Variants in MRPL22 observed in about 807,000 individuals in gnomAD.
MRPL22 encodes the protein mitochondrial ribosomal protein L22, also known as large ribosomal subunit protein uL22m.
MRPL22 carries 27 observed loss-of-function variants against 32.4 expected under a neutral mutation model. The observed-to-expected ratio is 0.83, with a 90% confidence interval of 0.61 to 1.15. The LOEUF (loss-of-function observed/expected upper bound fraction) is 1.15, where lower values mean the gene tolerates loss of function less well. Ranked by LOEUF, MRPL22 falls within the 50% of genes most tolerant of loss-of-function variation. MRPL22 has a pLI of 0.00. For synonymous variants in MRPL22, 86 were observed against 87.3 expected, an observed-to-expected ratio of 0.99 and a Z score of 0.08; for missense variants, 239 against 260.2, an observed-to-expected ratio of 0.92 and a Z score of 0.56.
At chr5:154,955,597 G>A (rs1764620234) in intron 3 of MRPL22, 1 of 152,166 alleles carries the variant, frequency 6.6e-6, no homozygotes, top group African/African-American at 2.4e-5. Flanking sequence ...CAGTTTATAT[G>A]TAAAATGTTT....
At chr5:154,966,577 G>A in intron 6 of MRPL22, 109 bp from the exon 7 acceptor site, 1 of 1,133,254 alleles carries the variant, frequency 8.8e-7, no homozygotes, top group South Asian at 1.4e-5. Flanking sequence ...GCCAACCAGT[G>A]AGCCCATGTA....
At chr5:154,959,043 T>G (rs927784123) in intron 5 of MRPL22, 3 of 152,228 alleles carry the variant, frequency 2.0e-5, no homozygotes, top group African/African-American at 7.2e-5. Flanking sequence ...AGATTTTTGT[T>G]TTTTTAGAGG....
rs1764547218 is a variant in MRPL22 at position 154,950,674 on chromosome 5, T to A, written c.78-147T>A. On this transcript the variant is annotated intron_variant, in intron 2 of 6. Coordinates refer to ENST00000523037, the MANE Select transcript of MRPL22 (RefSeq NM_014180.4). ...CTTTGTTGTGTTTAAAAGTAGTCTCTATTAATGAATACCTCTAGAATATTT... is the reference window on the plus strand; with the variant it reads ...CTTTGTTGTGTTTAAAAGTAGTCTCAATTAATGAATACCTCTAGAATATTT... The A allele has an allele frequency of 5.8e-6, 4 of 686,454 alleles. No homozygotes were observed. In the East Asian group the frequency reaches 1.0e-4, roughly 17 times the overall value. 42.5% of individuals were successfully genotyped at this position (686,454 alleles called of 1,614,324 possible). A position where few individuals can be genotyped will look rare whatever the true frequency, so the allele number is the denominator to read the frequency against.
chr5:154,942,535 CT>C (rs2113529254), intron 2 of MRPL22, among the ~76,000 whole-genome samples: 1 of 152,318 alleles, frequency 6.6e-6, no homozygotes, highest in African/African-American at 2.4e-5. Flanking sequence ...GATTTACTTA[CT>C]TTTTCTGAAT....
intron 3 of MRPL22, chr5:154,955,615 C>G (rs1476436756): frequency 1.3e-5 from 2 of 152,206 alleles, no homozygotes; most frequent in Admixed American, 6.5e-5. Flanking sequence ...TTTCATCCCT[C>G]AACTCATAGA....
intron 6 of MRPL22, among the ~76,000 whole-genome samples, chr5:154,961,875 C>G (rs1030538329): frequency 1.3e-5 from 2 of 152,044 alleles, no homozygotes; most frequent in Admixed American, 1.3e-4. Flanking sequence ...TTTGTAGAGA[C>G]AGAGGTCTCG....
chr5:154,963,770 A>C (rs1457524747), intron 6 of MRPL22, among the ~76,000 whole-genome samples: 1 of 152,230 alleles, frequency 6.6e-6, no homozygotes, highest in Non-Finnish European at 1.5e-5. Flanking sequence ...TAATACAGAC[A>C]AATGGTATTG....
At chr5:154,944,516 T>C (rs764726528) in intron 2 of MRPL22, among the ~76,000 whole-genome samples, 46 of 152,234 alleles carry the variant, frequency 3.0e-4, no homozygotes, top group South Asian at 1.4e-3. Flanking sequence ...TATTCTTTCA[T>C]TGATTCTACA....
At chr5:154,958,768 A>G (rs191464113) in intron 5 of MRPL22, among the ~76,000 whole-genome samples, 41 of 151,344 alleles carry the variant, frequency 2.7e-4, no homozygotes, top group Middle Eastern at 3.4e-3. Flanking sequence ...GATGGTCTCA[A>G]TCTCTTGACC....
chr5:154,966,355 A>G (rs977343132), intron 6 of MRPL22, among the ~76,000 whole-genome samples: 16 of 152,248 alleles, frequency 1.1e-4, no homozygotes, highest in African/African-American at 3.9e-4. Flanking sequence ...CTTACACCCC[A>G]TCATTGTCTG....
intron 3 of MRPL22, among the ~76,000 whole-genome samples, chr5:154,951,880 G>GT (rs1166869255): frequency 1.2e-4 from 18 of 145,736 alleles, no homozygotes; most frequent in African/African-American, 4.1e-4. Flanking sequence ...TTGAAATCAC[G>GT]TATTTTTTTT....
chr5:154,959,755 A>G (rs534798964), intron 5 of MRPL22, among the ~76,000 whole-genome samples: 1 of 152,306 alleles, frequency 6.6e-6, no homozygotes, highest in East Asian at 1.9e-4. Flanking sequence ...CATGTCATTT[A>G]AAACTTAGTA....
chr5:154,958,261 A>G (rs1451398314), intron 5 of MRPL22, among the ~76,000 whole-genome samples: 5 of 151,952 alleles, frequency 3.3e-5, no homozygotes, highest in Non-Finnish European at 5.9e-5. Flanking sequence ...AGTTGTATTG[A>G]TTATTGTCCG....
rs759412964 is a variant in MRPL22, at chr5:154,966,711, G to A, written c.435G>A (p.Gln145=). 7 of 1,614,084 alleles carry A rather than the reference G, an allele frequency of 4.3e-6. No homozygotes were observed. The highest frequency in any genetic ancestry group is 5.9e-6 in the Non-Finnish European group (7 of 1,180,030). Residue 145 remains glutamine (Q), a synonymous_variant, in exon 7 of 7, where the codon CAG becomes CAA. Coordinates refer to ENST00000523037, the MANE Select transcript of MRPL22 (RefSeq NM_014180.4). ...CTGAGTCCACCTCAGGACGAGGCCA[G>A]TGCCTGAAACGCATCCGCTACCATG... ...YIAESTSGRG[Q]CLKRIRYHGR...
At chr5:154,955,907 G>A (rs1292198896) in intron 3 of MRPL22, 3 of 155,540 alleles carry the variant, frequency 1.9e-5, no homozygotes, top group East Asian at 3.8e-4. Flanking sequence ...TCAAATCCAG[G>A]CAGGCAGTCT....
intron 3 of MRPL22, among the ~76,000 whole-genome samples, chr5:154,951,690 C>T (rs375833497): frequency 1.3e-5 from 2 of 151,904 alleles, no homozygotes; most frequent in Non-Finnish European, 2.9e-5. Context: ...GTGCCCGCCA[C>T]GATGACCAGC....
At chr5:154,966,596 A>C (rs1764769168) in intron 6 of MRPL22, 90 bp from the exon 7 acceptor site, 3 of 1,359,310 alleles carry the variant, frequency 2.2e-6, no homozygotes, top group Admixed American at 1.8e-5. Flanking sequence ...TAATCTCAGA[A>C]TCCAGTCAAG....
At chr5:154,965,184 G>C (rs1764750129) in intron 6 of MRPL22, among the ~76,000 whole-genome samples, 1 of 152,208 alleles carries the variant, frequency 6.6e-6, no homozygotes, top group Non-Finnish European at 1.5e-5. Flanking sequence ...ATCGTAGTTA[G>C]AGAGTTGTCA....
intron 6 of MRPL22, among the ~76,000 whole-genome samples, chr5:154,966,321 CTT>C (rs1561743779): frequency 6.6e-6 from 1 of 152,216 alleles, no homozygotes; most frequent in Non-Finnish European, 1.5e-5. Flanking sequence ...AGGGATGCCT[CTT>C]GACACTCCCA....
Sources: gnomAD v4.1 joint callset for allele counts (sites outside exome capture counted in the v4.1 genomes callset) on GRCh38, gnomAD v4.1.1 for gene constraint, MANE v1.5 for transcripts, NCBI Gene and HGNC (gene_info 2026-07-23, HGNC 2026-07-21) for gene names.